The following KCNMA1 variants were observed in gnomAD, a reference collection of about 807,000 sequenced individuals.
KCNMA1 encodes potassium calcium-activated channel subfamily M alpha 1, also known as Calcium-activated potassium channel subunit alpha-1.
KCNMA1 carries 29 observed loss-of-function variants against 140.0 expected under a neutral mutation model. That is an observed-to-expected ratio of 0.21 (90% CI 0.15 to 0.28). The LOEUF (loss-of-function observed/expected upper bound fraction) is 0.28, where lower values mean the gene tolerates loss of function less well. Among genes scored for constraint, KCNMA1 ranks in the 10% least tolerant of loss-of-function variants. The pLI, the probability that KCNMA1 is intolerant of heterozygous loss-of-function variation, is 1.00. For synonymous variants in KCNMA1, 612 were observed against 611.9 expected (o/e 1.00, Z 0.00); for missense variants, 880 against 1,602.2 (o/e 0.55, Z 7.70).
At chr10:77,449,743 C>T (rs1372213915) in intron 1 of KCNMA1, among the ~76,000 whole-genome samples, 3 of 148,844 alleles carry the variant, frequency 2.0e-5, no homozygotes, top group Admixed American at 1.3e-4. Context: ...CCCGGGTTCA[C>T]ACCATTCTCC....
At chr10:77,389,777 C>A (rs568434000) in intron 2 of KCNMA1, among the ~76,000 whole-genome samples, 2 of 152,234 alleles carry the variant, frequency 1.3e-5, no homozygotes, top group South Asian at 2.1e-4. Context: ...CATGCTTCTA[C>A]CTATAGGCTT....
intron 15 of KCNMA1, among the ~76,000 whole-genome samples, chr10:77,036,823 C>T (rs1281786400): frequency 4.6e-5 from 7 of 152,068 alleles, no homozygotes; most frequent in Non-Finnish European, 1.0e-4. Flanking sequence ...TATGGCTTTT[C>T]TTTAATTTAA....
At chr10:77,222,982 C>A (rs1180161508) in intron 3 of KCNMA1, among the ~76,000 whole-genome samples, 1 of 152,120 alleles carries the variant, frequency 6.6e-6, no homozygotes, top group Non-Finnish European at 1.5e-5. Context: ...GTAATCTCAG[C>A]ACTTTGGGAG....
At chr10:77,555,357 C>G (rs2064005703) in intron 1 of KCNMA1, among the ~76,000 whole-genome samples, 1 of 151,994 alleles carries the variant, frequency 6.6e-6, no homozygotes, top group South Asian at 2.1e-4. Context: ...TGAGAGTATC[C>G]AGGACTGAAG....
chr10:77,315,820 A>G (rs2080714809), intron 2 of KCNMA1: 1 of 152,158 alleles, frequency 6.6e-6, no homozygotes, highest in Non-Finnish European at 1.5e-5. Flanking sequence ...TTAACCAAAC[A>G]TCATAAACTG....
intron 1 of KCNMA1, among the ~76,000 whole-genome samples, chr10:77,553,424 A>C (rs2063342977): frequency 6.6e-6 from 1 of 151,834 alleles, no homozygotes; most frequent in Non-Finnish European, 1.5e-5. Context: ...CGCCGTTGAC[A>C]CTCCTCTAGT....
chr10:77,554,643 A>C (rs1049118490), intron 1 of KCNMA1, among the ~76,000 whole-genome samples: 16 of 151,680 alleles, frequency 1.1e-4, no homozygotes, highest in Non-Finnish European at 1.6e-4. Flanking sequence ...AAAAGAAAGA[A>C]AGAGAAAGAG....
chr10:77,598,296 G>T (rs1429294010), intron 1 of KCNMA1, among the ~76,000 whole-genome samples: 1 of 152,156 alleles, frequency 6.6e-6, no homozygotes, highest in Non-Finnish European at 1.5e-5. Context: ...TAATCCCCTG[G>T]ACTGTCAGCT....
chr10:77,050,437 A>G (rs2095319446), intron 14 of KCNMA1, among the ~76,000 whole-genome samples: 1 of 152,172 alleles, frequency 6.6e-6, no homozygotes, highest in South Asian at 2.1e-4. Flanking sequence ...ACTATTTTAG[A>G]CAGTTTGGTG....
At chr10:76,955,750 G>C (rs1318123581) in intron 20 of KCNMA1, among the ~76,000 whole-genome samples, 1 of 152,170 alleles carries the variant, frequency 6.6e-6, no homozygotes, top group Admixed American at 6.5e-5. Flanking sequence ...TCCTTGAAGA[G>C]TCTTTAACAG....
At chr10:77,123,987 A>G (rs901901372) in intron 5 of KCNMA1, among the ~76,000 whole-genome samples, 6 of 152,188 alleles carry the variant, frequency 3.9e-5, no homozygotes, top group Non-Finnish European at 2.9e-5. Flanking sequence ...GCAGGACAGC[A>G]TGCAACTTAA....
chr10:77,338,265 C>A (rs567911031), intron 2 of KCNMA1, among the ~76,000 whole-genome samples: 33 of 152,306 alleles, frequency 2.2e-4, no homozygotes, highest in Admixed American at 1.8e-3. Context: ...TGAGGAGCCC[C>A]AGACTCCTGC....
intron 14 of KCNMA1, among the ~76,000 whole-genome samples, chr10:77,045,144 G>A (rs923552566): frequency 5.9e-5 from 9 of 152,176 alleles, no homozygotes; most frequent in African/African-American, 1.9e-4. Flanking sequence ...TCCTAAAATA[G>A]TACATGCTGT....
intron 3 of KCNMA1, among the ~76,000 whole-genome samples, chr10:77,232,888 T>G (rs1272556869): frequency 1.6e-4 from 2 of 12,198 alleles, no homozygotes; most frequent in Non-Finnish European, 5.1e-4. Flanking sequence ...CCAGCACCAT[T>G]TTTTTTTTTT....
At chr10:77,204,217 C>T (rs2043341189) in intron 3 of KCNMA1, among the ~76,000 whole-genome samples, 1 of 152,144 alleles carries the variant, frequency 6.6e-6, no homozygotes, top group South Asian at 2.1e-4. Flanking sequence ...TTTGTGTGCT[C>T]TTCCCGTGTT....
intron 2 of KCNMA1, among the ~76,000 whole-genome samples, chr10:77,337,237 C>T (rs2089395322): frequency 6.6e-6 from 1 of 152,118 alleles, no homozygotes; most frequent in South Asian, 2.1e-4. Context: ...AATGTTTTGA[C>T]TTTAGATGGG....
At chr10:77,317,720 C>T (rs901767892) in intron 2 of KCNMA1, among the ~76,000 whole-genome samples, 3 of 152,216 alleles carry the variant, frequency 2.0e-5, no homozygotes, top group South Asian at 2.1e-4. Context: ...GGCACAAGGC[C>T]GCTGTACATT....
intron 2 of KCNMA1, among the ~76,000 whole-genome samples, chr10:77,389,447 T>C (rs2095733416): frequency 1.3e-5 from 2 of 152,112 alleles, no homozygotes; most frequent in South Asian, 2.1e-4. Context: ...CCCCATGATT[T>C]GCAGCAGTTC....
intron 1 of KCNMA1, among the ~76,000 whole-genome samples, chr10:77,581,404 G>T (rs1269641273): frequency 1.2e-4 from 18 of 152,112 alleles, no homozygotes; most frequent in Admixed American, 1.2e-3. Context: ...TGCCTCCCGG[G>T]TTCACGGCAT....
Sources: gnomAD v4.1 joint callset for allele counts (sites outside exome capture counted in the v4.1 genomes callset) on GRCh38, gnomAD v4.1.1 for gene constraint, MANE v1.5 for transcripts, NCBI Gene and HGNC (gene_info 2026-07-23, HGNC 2026-07-21) for gene names.